DROSHA: variants seen among roughly 807,000 people sequenced by gnomAD.
DROSHA encodes the protein drosha ribonuclease III.
A neutral mutation model predicts 181.9 loss-of-function variants in DROSHA; 56 were observed. The observed-to-expected ratio is 0.31, with a 90% CI of 0.25 to 0.38. The LOEUF is 0.38. Ranked by LOEUF, DROSHA falls within the 10% of genes least tolerant of loss-of-function variation. DROSHA has a pLI of 1.00. For synonymous variants in DROSHA, 524 were observed against 591.2 expected, an observed-to-expected ratio of 0.89 and a Z score of 1.65; for missense variants, 1,218 against 1,743.5, an observed-to-expected ratio of 0.70 and a Z score of 5.37.
At chr5:31,417,267 T>A (rs1742057839) in intron 30 of DROSHA, among the ~76,000 whole-genome samples, 1 of 152,238 alleles carries the variant, frequency 6.6e-6, no homozygotes, top group Non-Finnish European at 1.5e-5. Context: ...CTTAGTGTCC[T>A]GCAGGAACTG....
chr5:31,405,664 A>G lies in DROSHA; in HGVS notation c.3994+13T>C. The G allele has an allele frequency of 6.4e-7, 1 of 1,552,492 alleles. No homozygotes were observed. The highest frequency in any genetic ancestry group is 1.2e-5 in the South Asian group (1 of 81,532). On this transcript the variant is annotated intron_variant, in intron 35 of 35. Coordinates refer to ENST00000344624, the MANE Select transcript of DROSHA (RefSeq NM_001382508.1). Reference sequence around the variant, plus strand: ...CATTATGAACATAATTATAGAAAAAAAAACAGGCTTACATTTTTCAAGCGC... The same window carrying G: ...CATTATGAACATAATTATAGAAAAAGAAACAGGCTTACATTTTTCAAGCGC...
intron 20 of DROSHA, among the ~76,000 whole-genome samples, chr5:31,452,163 T>C (rs1747111980): frequency 1.3e-5 from 2 of 152,158 alleles, no homozygotes; most frequent in African/African-American, 4.8e-5. Flanking sequence ...TCTGAAACTT[T>C]TTTAGGGTCA....
At position 31,493,368 on chromosome 5, in the gene DROSHA, A is replaced by G. The variant is rs936646454; in HGVS notation, c.1756-75T>C. The G allele has an allele frequency of 2.2e-6, 3 of 1,335,556 alleles. No homozygotes were observed. The African/African-American group carries it at 4.4e-5, about 20-fold the overall frequency. 82.7% of individuals were successfully genotyped at this position (1,335,556 alleles called of 1,614,324 possible). A position where few individuals can be genotyped will look rare whatever the true frequency, so the allele number is the denominator to read the frequency against. On this transcript the variant is annotated intron_variant, in intron 12 of 35. Transcript: ENST00000344624. ...TGCATATGCAGAAATCCATCAGGAC[A>G]GAAAGTAACCAATAGAACATAAGGA...
At position 31,472,251 on chromosome 5, in the gene DROSHA, T is replaced by C. The variant is rs1276175376; in HGVS notation, c.2072-19A>G. The C allele has an allele frequency of 1.3e-6, 2 of 1,570,016 alleles. No individual in the cohort carries two copies. Among genetic ancestry groups the C allele is most frequent in the African/African-American group, 1.4e-5 (1 of 73,028 alleles). On this transcript the variant is annotated intron_variant, in intron 16 of 35. Coordinates refer to ENST00000344624, the MANE Select transcript of DROSHA (RefSeq NM_001382508.1). Reference sequence around the variant, plus strand: ...CCTCCATCTTGGGTGGGAATGGGAGTGGAGAGAAGGGGAAAAATAAGGCTA... The same window carrying C: ...CCTCCATCTTGGGTGGGAATGGGAGCGGAGAGAAGGGGAAAAATAAGGCTA...
intron 20 of DROSHA, among the ~76,000 whole-genome samples, chr5:31,462,627 G>A (rs1748530201): frequency 8.9e-6 from 1 of 112,298 alleles, no homozygotes; most frequent in African/African-American, 3.6e-5. Flanking sequence ...CAGCACTCTT[G>A]TTTGCTTCAC....
intron 20 of DROSHA, among the ~76,000 whole-genome samples, chr5:31,454,296 C>T (rs760651647): frequency 3.9e-5 from 6 of 152,114 alleles, no homozygotes; most frequent in Non-Finnish European, 5.9e-5. Flanking sequence ...AAGCTCCCTG[C>T]AAGGTAGAAG....
intron 11 of DROSHA, among the ~76,000 whole-genome samples, chr5:31,500,698 T>C (rs1301314639): frequency 6.6e-6 from 1 of 152,172 alleles, no homozygotes; most frequent in Non-Finnish European, 1.5e-5. Context: ...CAGGGCTGAC[T>C]ACAAAAGTGG....
chr5:31,435,741 A>G (rs1338776491), intron 25 of DROSHA, 24 bp downstream of exon 25: 1 of 1,604,538 alleles, frequency 6.2e-7, no homozygotes, highest in Non-Finnish European at 8.5e-7. Context: ...ACGTAACTAC[A>G]AATGCTGCAG....
At chr5:31,520,420 C>A (rs1359164550) in intron 6 of DROSHA, among the ~76,000 whole-genome samples, 1 of 152,048 alleles carries the variant, frequency 6.6e-6, no homozygotes, top group African/African-American at 2.4e-5. Context: ...TAAGCTCCAC[C>A]AATTTCTATA....
chr5:31,449,988 A>G (rs1236227524), intron 21 of DROSHA, among the ~76,000 whole-genome samples: 1 of 152,206 alleles, frequency 6.6e-6, no homozygotes, highest in African/African-American at 2.4e-5. Context: ...TAATAATCCC[A>G]TTAAAAAGTG....
At position 31,405,767 on chromosome 5, in the gene DROSHA, C is replaced by CTTTTT. The variant is rs67380927; in HGVS notation, c.3948-49_3948-45dup. 3.7e-4 allele frequency: 172 copies of CTTTTT among 469,282 alleles called. 1 individual carries two copies. Among genetic ancestry groups the CTTTTT allele is most frequent in the Admixed American group, 6.7e-4 (11 of 16,476 alleles). 29.1% of individuals were successfully genotyped at this position (469,282 alleles called of 1,614,324 possible). A position where few individuals can be genotyped will look rare whatever the true frequency, so the allele number is the denominator to read the frequency against. On this transcript the variant is annotated intron_variant, in intron 34 of 35. Coordinates refer to ENST00000344624, the MANE Select transcript of DROSHA (RefSeq NM_001382508.1). ...TAAGACATACTTTAATTTCAAGATT[C>CTTTTT]TTTTTTTTTTTTTTTTTTTTTTTTC...
chr5:31,476,202 T>C (rs113468150), intron 16 of DROSHA, among the ~76,000 whole-genome samples: 3,016 of 152,120 alleles, frequency 0.02, 92 homozygotes, highest in African/African-American at 0.069. Flanking sequence ...CTGTCTCTAT[T>C]AAAAATACAA....
chr5:31,462,506 G>C (rs1748515866), intron 20 of DROSHA, among the ~76,000 whole-genome samples: 2 of 152,096 alleles, frequency 1.3e-5, no homozygotes, highest in African/African-American at 4.8e-5. Flanking sequence ...ATATCACACA[G>C]CAAGAGACAA....
rs368428431 is a variant in DROSHA, at chr5:31,429,541, A to G, written c.3150T>C (p.Ala1050=). 1 of 1,611,492 alleles carries G rather than the reference A, an allele frequency of 6.2e-7. No homozygotes were observed. Among genetic ancestry groups the G allele is most frequent in the Non-Finnish European group, 8.5e-7 (1 of 1,178,516 alleles). The change falls in exon 27 of 36, where the codon GCT becomes GCC. Residue 1050 remains alanine, a synonymous_variant. Coordinates refer to ENST00000344624, the MANE Select transcript of DROSHA (RefSeq NM_001382508.1). ...MANCFEALIG[A]VYLEGSLEEA... Reference sequence around the variant, plus strand: ...CCTCCAGGCTTCCCTCCAAGTAAACAGCTCCTAGATGAAAAACAGAGAATG... The same window carrying G: ...CCTCCAGGCTTCCCTCCAAGTAAACGGCTCCTAGATGAAAAACAGAGAATG...
chr5:31,482,805 T>C (rs893675778), intron 16 of DROSHA, among the ~76,000 whole-genome samples: 5 of 150,762 alleles, frequency 3.3e-5, no homozygotes, highest in African/African-American at 1.2e-4. Flanking sequence ...AAAGATTTCA[T>C]TAAAAATACT....
rs1384020854 is a variant in DROSHA at position 31,526,814 on chromosome 5, C to G, written c.119G>C (p.Arg40Thr). The change falls in exon 5 of 36, where the codon AGG becomes ACG. Residue 40 changes from arginine (R) to threonine (T), a missense_variant. Physicochemically the swap from Arg to Thr is moderately conservative, Grantham distance 71 (BLOSUM62 -1). Around this residue, in one of 8 missense-constraint regions of DROSHA, gnomAD observed 536 missense variants for 535.4 expected, o/e 1.00. Coordinates refer to ENST00000344624, the MANE Select transcript of DROSHA (RefSeq NM_001382508.1). ...SAPSFRPQNL[R>T]LLHPQQPPVQ... ...AGGAGGCTGCTGAGGGTGAAGCAGC[C>G]TCAGATTTTGGGGCCTAAAGGATGG... The G allele has an allele frequency of 3.7e-6, 6 of 1,612,220 alleles. No homozygotes were observed. Among genetic ancestry groups the G allele is most frequent in the Non-Finnish European group, 5.1e-6 (6 of 1,179,518 alleles).
Position 31,526,892 on chromosome 5 carries a change from G to C in DROSHA, c.41C>G (p.Pro14Arg). ...TCGTCCTCGGGGACACCCTCGTCCC[G>C]GGTGGAACGACATTCTGTGACTTCA... ...GNTCHRMSFH[P>R]GRGCPRGRGG... Residue 14 changes from proline to arginine, a missense_variant, in exon 5 of 36, where the codon CCG becomes CGG. Around this residue, in one of 8 missense-constraint regions of DROSHA, gnomAD observed 536 missense variants for 535.4 expected, o/e 1.00. Coordinates refer to ENST00000344624, the MANE Select transcript of DROSHA (RefSeq NM_001382508.1). 1.9e-6 allele frequency: 3 copies of C among 1,612,796 alleles called. No individual in the cohort carries two copies. The highest frequency in any genetic ancestry group is 1.1e-5 in the South Asian group (1 of 91,018).
chr5:31,531,136 G>A lies in DROSHA; in HGVS notation c.-173-212C>T, dbSNP rs1741295791. On this transcript the variant is annotated intron_variant, in intron 2 of 35. Transcript: ENST00000344624. The stretch of plus-strand genomic sequence containing the variant: ...AAGACACACAGCCTGTAGGATTCAA[G>A]GAACTCAGAACCCACGTACAAGTAA... Among the ~76,000 whole-genome samples the A allele has an allele frequency of 2.0e-5, 3 of 152,126 alleles. No individual in the cohort carries two copies. In the South Asian group the frequency reaches 6.2e-4, roughly 32 times the overall value.
intron 13 of DROSHA, among the ~76,000 whole-genome samples, chr5:31,492,363 T>C (rs937290599): frequency 5.9e-5 from 9 of 152,246 alleles, no homozygotes; most frequent in Non-Finnish European, 1.2e-4. Flanking sequence ...GAGTCTTAAC[T>C]GTACTCTCCA....
Sources: gnomAD v4.1 joint callset for allele counts (sites outside exome capture counted in the v4.1 genomes callset) on GRCh38, gnomAD v4.1.1 for gene constraint, gnomAD v4.1.1 regional missense constraint, MANE v1.5 for transcripts, NCBI Gene and HGNC (gene_info 2026-07-23, HGNC 2026-07-21) for gene names.